Variants in ATRX observed in about 807,000 individuals in gnomAD.
ATRX encodes the protein ATRX chromatin remodeler.
ATRX carries 12 observed loss-of-function variants against 172.6 expected under a neutral mutation model. That is an observed-to-expected ratio of 0.07 (90% CI 0.04 to 0.11). ATRX has a LOEUF of 0.11. ATRX is among the 10% of genes least tolerant of loss of function. ATRX has a pLI of 1.00. For missense variants in ATRX, 1,368 were observed against 1,767.4 expected (o/e 0.77, Z 4.05); for synonymous variants, 674 against 594.7 (o/e 1.13, Z -1.94).
rs1280588616 is a variant in ATRX at position 77,507,953 on chromosome X, G to A, written c.*398C>T. 2 of 180,842 alleles carry A rather than the reference G, an allele frequency of 1.1e-5. No homozygotes were observed. The highest frequency in any genetic ancestry group is 2.1e-5 in the Non-Finnish European group (2 of 96,056). 14.9% of individuals were successfully genotyped at this position (180,842 alleles called of 1,213,427 possible). A position where few individuals can be genotyped will look rare whatever the true frequency, so the allele number is the denominator to read the frequency against. Reference sequence around the variant, plus strand: ...GAATCAACTCTAAGAACTCAGCTGTGTGTTTTTATATGTAAAGAATGAATA... The same window carrying A: ...GAATCAACTCTAAGAACTCAGCTGTATGTTTTTATATGTAAAGAATGAATA... On this transcript the variant is annotated 3_prime_UTR_variant, in exon 35 of 35. Transcript: ENST00000373344.
chrX:77,654,299 C>T lies in ATRX; in HGVS notation c.4215-99G>A. On this transcript the variant is annotated intron_variant, in intron 13 of 34. Transcript: ENST00000373344. ...AACTGTTCTACCTCTGTATGCATTC[C>T]TAAAAACAAACAGAAAAAAAATCAA... 4 of 663,055 alleles carry T rather than the reference C, an allele frequency of 6.0e-6. No homozygotes were observed. In the South Asian group the frequency reaches 9.8e-5, roughly 16 times the overall value. The allele number at this position is 663,055 out of a possible 1,213,427, so 54.6% of individuals were successfully genotyped here.
chrX:77,528,420 T>TG (rs2063468616), intron 30 of ATRX, among the ~76,000 whole-genome samples: 1 of 111,210 alleles, frequency 9.0e-6, no homozygotes, highest in Admixed American at 9.5e-5. Context: ...CTTCATTGGG[T>TG]GGGTCCCTGA....
intron 30 of ATRX, among the ~76,000 whole-genome samples, chrX:77,551,629 A>C (rs929961842): frequency 8.9e-6 from 1 of 112,159 alleles, no homozygotes; most frequent in Non-Finnish European, 1.9e-5. Flanking sequence ...GGATCTAATT[A>C]AACTAAAGAG....
chrX:77,617,993 T>C (rs2067424779), intron 21 of ATRX, among the ~76,000 whole-genome samples: 1 of 111,656 alleles, frequency 9.0e-6, no homozygotes, highest in Admixed American at 9.6e-5. Flanking sequence ...CAAGTGATCC[T>C]CCCACCTTGG....
At chrX:77,602,751 T>C (rs935100826) in intron 22 of ATRX, among the ~76,000 whole-genome samples, 1 of 111,014 alleles carries the variant, frequency 9.0e-6, no homozygotes, top group Non-Finnish European at 1.9e-5. Flanking sequence ...TAATTTCATT[T>C]GAATGTGGTT....
chrX:77,601,111 A>G (rs782044424), intron 22 of ATRX, among the ~76,000 whole-genome samples: 1 of 111,405 alleles, frequency 9.0e-6, no homozygotes, highest in African/African-American at 3.3e-5. Flanking sequence ...CCTGTTATAA[A>G]TAAACTTTGC....
chrX:77,669,305 G>A lies in ATRX; in HGVS notation c.3810-4527C>T, dbSNP rs782096815. Among the ~76,000 whole-genome samples the A allele has an allele frequency of 4.1e-3, 449 of 109,460 alleles. 1 individual carries two copies. Among genetic ancestry groups the A allele is most frequent in the Non-Finnish European group, 7.2e-3 (379 of 52,641 alleles). ...AATGAGTGCCTGGGCAAATACAGAT[G>A]ATGCCTTTTTTTTTTTTTTCCAGAC... On this transcript the variant is annotated intron_variant, in intron 10 of 34. Transcript: ENST00000373344.
intron 19 of ATRX, among the ~76,000 whole-genome samples, chrX:77,625,004 C>T (rs1210657226): frequency 1.8e-5 from 2 of 111,875 alleles, no homozygotes; most frequent in African/African-American, 6.5e-5. Context: ...TCTGTAAAGG[C>T]CACAGTCACC....
intron 1 of ATRX, among the ~76,000 whole-genome samples, chrX:77,735,978 T>C (rs182425192): frequency 1.9e-5 from 2 of 106,439 alleles, no homozygotes; most frequent in African/African-American, 3.4e-5. Context: ...CACTCCAGTA[T>C]GGGCAACAAG....
At chrX:77,637,939 C>CAAAAAAAAAAAAAAAAAAACAA (rs2068466449) in intron 15 of ATRX, among the ~76,000 whole-genome samples, 1 of 42,863 alleles carries the variant, frequency 2.3e-5, no homozygotes, top group African/African-American at 1.0e-4. Flanking sequence ...AGCTCCATCT[C>CAAAAAAAAAAAAAAAAAAACAA]AAAAAAAAAA....
intron 1 of ATRX, among the ~76,000 whole-genome samples, chrX:77,758,512 T>C (rs1375848109): frequency 1.8e-5 from 2 of 109,306 alleles, no homozygotes; most frequent in African/African-American, 3.3e-5. Context: ...TCCCAGCACT[T>C]TGGGAGGCCA....
Position 77,786,009 on chromosome X carries a change from C to A in ATRX, c.-8G>T. On this transcript the variant is annotated 5_prime_UTR_variant, in exon 1 of 35. Transcript: ENST00000373344. ...CATGGGCTCAGCGGTCATGTTTTCG[C>A]TTGAACGCCTTGTCGGCTTCTGTGA... The A allele has an allele frequency of 8.4e-7, 1 of 1,192,688 alleles. No individual in the cohort carries two copies. The highest frequency in any genetic ancestry group is 1.1e-6 in the Non-Finnish European group (1 of 886,345).
intron 30 of ATRX, among the ~76,000 whole-genome samples, chrX:77,551,426 TG>T (rs2064509118): frequency 8.9e-6 from 1 of 112,210 alleles, no homozygotes. Context: ...TGTAGAAAGC[TG>T]GAACTGGATC....
intron 14 of ATRX, among the ~76,000 whole-genome samples, chrX:77,653,889 T>C (rs1375314387): frequency 9.0e-6 from 1 of 111,497 alleles, no homozygotes; most frequent in Non-Finnish European, 1.9e-5. Context: ...TTAAATAAAA[T>C]TCCATTAGAA....
intron 12 of ATRX, among the ~76,000 whole-genome samples, chrX:77,657,620 CAATA>C (rs781813153): frequency 7.0e-4 from 78 of 111,133 alleles, no homozygotes; most frequent in Admixed American, 4.1e-3. Context: ...ATAAATAATG[CAATA>C]AATAAATAGG....
At chrX:77,627,699 CAAA>C (rs782249390) in intron 19 of ATRX, among the ~76,000 whole-genome samples, 2 of 72,934 alleles carry the variant, frequency 2.7e-5, no homozygotes, top group African/African-American at 1.0e-4. Flanking sequence ...CTGTCTCTAC[CAAA>C]AAAAAAAAAA....
chrX:77,772,325 A>G (rs1486608316), intron 1 of ATRX, among the ~76,000 whole-genome samples: 1 of 106,833 alleles, frequency 9.4e-6, no homozygotes, highest in African/African-American at 3.4e-5. Context: ...AAAAAAAAAA[A>G]GTGTTTATCA....
At chrX:77,573,519 C>T (rs1237697900) in intron 28 of ATRX, among the ~76,000 whole-genome samples, 4 of 111,767 alleles carry the variant, frequency 3.6e-5, no homozygotes, top group Non-Finnish European at 7.6e-5. Flanking sequence ...CTTGTATCTA[C>T]AGTTAATGAT....
rs529702624 is a variant in ATRX at position 77,759,486 on chromosome X, G to C, written c.20+26496C>G. 4.5e-5 allele frequency among the ~76,000 whole-genome samples: 5 copies of C among 111,317 alleles called. No homozygotes were observed. In the South Asian group the frequency reaches 1.9e-3, roughly 42 times the overall value. ...CCCAGCACTTTGGGAGGCCAAGGCA[G>C]GTGGATCACTTGAGGTCAGGAGTTC... is the stretch of plus-strand genomic sequence containing the variant. On this transcript the variant is annotated intron_variant, in intron 1 of 34. Coordinates refer to ENST00000373344, the MANE Select transcript of ATRX (RefSeq NM_000489.6).
Sources: gnomAD v4.1 joint callset for allele counts (sites outside exome capture counted in the v4.1 genomes callset) on GRCh38, gnomAD v4.1.1 for gene constraint, MANE v1.5 for transcripts, NCBI Gene and HGNC (gene_info 2026-07-23, HGNC 2026-07-21) for gene names.